Variants in MCC observed in about 807,000 individuals in gnomAD.
MCC encodes colorectal mutant cancer protein.
Under a neutral mutation model 116.2 loss-of-function variants are expected in MCC, and 90 were observed. That is an observed-to-expected ratio of 0.77 (90% confidence interval 0.65 to 0.92). The LOEUF is 0.92. Ranked by LOEUF, MCC falls within the 40% of genes least tolerant of loss-of-function variation. The probability of loss-of-function intolerance (pLI) is 0.00; values close to 1 mark genes in which losing one functional copy is unlikely to be tolerated. For synonymous variants in MCC, 578 were observed against 510.5 expected, an observed-to-expected ratio of 1.13 and a Z score of -1.78; for missense variants, 1,516 against 1,312.2, an observed-to-expected ratio of 1.16 and a Z score of -2.40.
chr5:113,472,085 G>A (rs1270957567), intron 1 of MCC, among the ~76,000 whole-genome samples: 1 of 152,126 alleles, frequency 6.6e-6, no homozygotes, highest in South Asian at 2.1e-4. Flanking sequence ...ACTAGGAGAG[G>A]GAGTTCCCTG....
chr5:113,118,887 C>A (rs768728180), intron 6 of MCC, among the ~76,000 whole-genome samples: 20 of 152,202 alleles, frequency 1.3e-4, no homozygotes, highest in Non-Finnish European at 2.4e-4. Flanking sequence ...GGGGATCTGG[C>A]AGAGCTGCCC....
At chr5:113,399,635 A>C (rs182117406) in intron 1 of MCC, among the ~76,000 whole-genome samples, 1 of 152,280 alleles carries the variant, frequency 6.6e-6, no homozygotes, top group East Asian at 1.9e-4. Context: ...CTGATTTTCT[A>C]ATTTTGGATT....
At chr5:113,449,639 G>C (rs1409261381) in intron 1 of MCC, among the ~76,000 whole-genome samples, 1 of 152,188 alleles carries the variant, frequency 6.6e-6, no homozygotes, top group Non-Finnish European at 1.5e-5. Flanking sequence ...AGTAGGGCAA[G>C]GTAGAGTGGA....
chr5:113,479,064 G>C (rs553488047), intron 1 of MCC, among the ~76,000 whole-genome samples: 1 of 152,024 alleles, frequency 6.6e-6, no homozygotes, highest in Non-Finnish European at 1.5e-5. Context: ...CCTCAAACTA[G>C]ATACAACCTA....
At chr5:113,043,751 C>A in intron 16 of MCC, 121 bp from the exon 17 acceptor site, 1 of 650,702 alleles carries the variant, frequency 1.5e-6, no homozygotes, top group Non-Finnish European at 2.7e-6. Context: ...CACCGGGTGG[C>A]GCCCTCAGGT....
At chr5:113,223,411 T>C (rs187409999) in intron 3 of MCC, among the ~76,000 whole-genome samples, 19 of 152,310 alleles carry the variant, frequency 1.2e-4, no homozygotes, top group Admixed American at 4.6e-4. Context: ...GGAGCTCTTC[T>C]AGTTCTCCAA....
At chr5:113,433,765 G>T in intron 1 of MCC, 1 of 1,613,350 alleles carries the variant, frequency 6.2e-7, no homozygotes, top group Non-Finnish European at 8.5e-7. Context: ...GGAGGCTGTT[G>T]GGGGGGCCCT....
intron 6 of MCC, among the ~76,000 whole-genome samples, chr5:113,106,385 C>T (rs1027417576): frequency 6.7e-6 from 1 of 150,110 alleles, no homozygotes; most frequent in East Asian, 2.0e-4. Context: ...TCACTATGCC[C>T]CATTCACACT....
intron 1 of MCC, among the ~76,000 whole-genome samples, chr5:113,401,771 A>T (rs10043725): frequency 0.062 from 3,618 of 58,452 alleles, 57 homozygotes; most frequent in African/African-American, 0.13. Context: ...TTTCTTATTT[A>T]TATATATATA....
chr5:113,307,470 C>A (rs542884198), intron 3 of MCC, among the ~76,000 whole-genome samples: 115 of 152,168 alleles, frequency 7.6e-4, no homozygotes, highest in African/African-American at 2.6e-3. Flanking sequence ...TACAGAATTG[C>A]AATTGATTTT....
At chr5:113,421,176 C>A (rs958249444) in intron 1 of MCC, among the ~76,000 whole-genome samples, 1 of 152,038 alleles carries the variant, frequency 6.6e-6, no homozygotes, top group African/African-American at 2.4e-5. Flanking sequence ...AGGCACGCGC[C>A]ACCATGCCCA....
chr5:113,208,816 G>A (rs533768641), intron 3 of MCC, among the ~76,000 whole-genome samples: 18 of 151,762 alleles, frequency 1.2e-4, no homozygotes, highest in Non-Finnish European at 2.6e-4. Flanking sequence ...TTACTCAAAA[G>A]CAATATGTCC....
intron 1 of MCC, among the ~76,000 whole-genome samples, chr5:113,421,267 C>T (rs1376057142): frequency 6.6e-6 from 1 of 152,080 alleles, no homozygotes; most frequent in East Asian, 1.9e-4. Flanking sequence ...CTCATGTGAT[C>T]TGCCCGCCTG....
rs558797350 is a variant in MCC, at chr5:113,023,479, C to T, written c.*3823G>A. On this transcript the variant is annotated 3_prime_UTR_variant, in exon 19 of 19. Transcript: ENST00000408903. Reference sequence around the variant, plus strand: ...GCAGAAAAAAAATGTTACTTATGCTCCACCTCCCCAGCCCTCACTAAAAAC... The same window carrying T: ...GCAGAAAAAAAATGTTACTTATGCTTCACCTCCCCAGCCCTCACTAAAAAC... 2.6e-5 allele frequency: 4 copies of T among 152,422 alleles called. No homozygotes were observed. The highest frequency in any genetic ancestry group is 4.1e-4 in the South Asian group (2 of 4,830). The allele number at this position is 152,422 out of a possible 1,614,324, so 9.4% of individuals were successfully genotyped here.
At chr5:113,269,591 A>C (rs1246599628) in intron 3 of MCC, among the ~76,000 whole-genome samples, 1 of 152,228 alleles carries the variant, frequency 6.6e-6, no homozygotes, top group South Asian at 2.1e-4. Context: ...CCCAACCTAC[A>C]GTCACATGCT....
At chr5:113,301,409 G>A (rs1274455404) in intron 3 of MCC, among the ~76,000 whole-genome samples, 2 of 148,214 alleles carry the variant, frequency 1.3e-5, no homozygotes, top group African/African-American at 2.6e-5. Context: ...AGGTTGCGGC[G>A]AGCCGAGATC....
intron 8 of MCC, among the ~76,000 whole-genome samples, chr5:113,088,231 G>T (rs1409143219): frequency 6.6e-6 from 1 of 152,050 alleles, no homozygotes; most frequent in Non-Finnish European, 1.5e-5. Context: ...TGGTTAAGTG[G>T]CCTTCTCCCC....
At chr5:113,084,022 A>C in intron 10 of MCC, 79 bp downstream of exon 10, 2 of 1,083,954 alleles carry the variant, frequency 1.8e-6, no homozygotes, top group South Asian at 2.7e-5. Context: ...AGACTTTGGA[A>C]GTTCTTCTGT....
chr5:113,082,773 G>T (rs537568011), intron 11 of MCC, 87 bp downstream of exon 11: 2 of 1,508,270 alleles, frequency 1.3e-6, no homozygotes, highest in African/African-American at 1.4e-5. Flanking sequence ...CAATACATAA[G>T]CCACCTTGAA....
Sources: allele counts gnomAD v4.1 joint callset (sites outside exome capture counted in the v4.1 genomes callset), GRCh38; gene constraint gnomAD v4.1.1; transcripts MANE v1.5; gene names NCBI Gene and HGNC (gene_info 2026-07-23, HGNC 2026-07-21).